HMGN5: variants seen among roughly 807,000 people sequenced by gnomAD.
HMGN5 encodes the protein high mobility group nucleosome binding domain 5, also known as high mobility group nucleosome-binding domain-containing protein 5.
Under a neutral mutation model 9.5 loss-of-function variants are expected in HMGN5, and 4 were observed. That is an observed-to-expected ratio of 0.42 (90% CI 0.21 to 0.96). HMGN5 has a LOEUF of 0.96. HMGN5 is among the 40% of genes least tolerant of loss of function. The pLI is 0.30. For missense variants in HMGN5, 192 were observed against 187.5 expected, an observed-to-expected ratio of 1.02 and a Z score of -0.14; for synonymous variants, 55 against 57.1, an observed-to-expected ratio of 0.96 and a Z score of 0.16.
At chrX:81,198,586 T>C (rs1475395058) in intron 1 of HMGN5, among the ~76,000 whole-genome samples, 2 of 111,931 alleles carry the variant, frequency 1.8e-5, no homozygotes, top group Non-Finnish European at 3.8e-5. Flanking sequence ...TGCAAATCAA[T>C]TAATGTAATC....
intron 1 of HMGN5, among the ~76,000 whole-genome samples, chrX:81,177,643 T>G (rs1363392858): frequency 1.8e-5 from 2 of 110,391 alleles, no homozygotes; most frequent in African/African-American, 6.6e-5. Context: ...GTGGCAGTAC[T>G]AGACAGATCA....
intron 1 of HMGN5, among the ~76,000 whole-genome samples, chrX:81,156,039 A>G (rs1031817194): frequency 4.5e-5 from 5 of 111,886 alleles, no homozygotes; most frequent in African/African-American, 1.6e-4. Context: ...GTATCACTCT[A>G]ATATTTCCTA....
chrX:81,197,962 G>A, intron 1 of HMGN5, among the ~76,000 whole-genome samples: 1 of 111,436 alleles, frequency 9.0e-6, no homozygotes, highest in Non-Finnish European at 1.9e-5. Flanking sequence ...ATTTTGAGTT[G>A]TGTCTAGCAA....
At chrX:81,174,104 C>A (rs777723431) in intron 1 of HMGN5, among the ~76,000 whole-genome samples, 2 of 110,545 alleles carry the variant, frequency 1.8e-5, no homozygotes, top group South Asian at 3.8e-4. Flanking sequence ...AAATAATAGT[C>A]TCATTATAGG....
At chrX:81,167,171 T>A (rs912548052) in intron 1 of HMGN5, among the ~76,000 whole-genome samples, 4 of 111,031 alleles carry the variant, frequency 3.6e-5, no homozygotes, top group African/African-American at 1.3e-4. Context: ...TTATTTGGAA[T>A]TCCCAGAGTA....
chrX:81,151,975 C>T, intron 1 of HMGN5, among the ~76,000 whole-genome samples: 1 of 111,596 alleles, frequency 9.0e-6, no homozygotes, highest in Middle Eastern at 4.7e-3. Flanking sequence ...CTTCCTTACA[C>T]CTTATACAAA....
At chrX:81,183,617 G>T (rs183573990) in intron 1 of HMGN5, among the ~76,000 whole-genome samples, 4 of 112,943 alleles carry the variant, frequency 3.5e-5, no homozygotes, top group South Asian at 3.6e-4. Flanking sequence ...GTATGGAAAA[G>T]CTTGGATGCC....
At chrX:81,187,984 CAA>C (rs1283177043) in intron 1 of HMGN5, among the ~76,000 whole-genome samples, 1 of 111,323 alleles carries the variant, frequency 9.0e-6, no homozygotes, top group Non-Finnish European at 1.9e-5. Context: ...AACAAGCAAG[CAA>C]AAAGAAAATT....
chrX:81,150,543 G>C (rs1266742166), intron 1 of HMGN5, among the ~76,000 whole-genome samples: 1 of 111,706 alleles, frequency 9.0e-6, no homozygotes, highest in Non-Finnish European at 1.9e-5. Context: ...TCCAGCCTGG[G>C]CACTGAGAGT....
Position 81,121,514 on chromosome X carries a change from CTG to C in HMGN5, c.15+19_15+20del. On this transcript the variant is annotated intron_variant, in intron 2 of 6. Transcript: ENST00000358130. ...GGTAACTCAGCAGCTCATTCCCCGT[CTG>C]TCTTTCCATTTCACTTACCTTTCTT... 8.4e-7 allele frequency: 1 copy of C among 1,192,978 alleles called. No individual in the cohort carries two copies. The highest frequency in any genetic ancestry group is 1.8e-5 in the South Asian group (1 of 56,446).
intron 1 of HMGN5, among the ~76,000 whole-genome samples, chrX:81,178,453 A>G (rs1463699267): frequency 8.9e-6 from 1 of 111,945 alleles, no homozygotes; most frequent in Non-Finnish European, 1.9e-5. Flanking sequence ...TAAACTAGAA[A>G]ATCTACAACA....
chrX:81,144,941 G>T (rs372909944), intron 1 of HMGN5, among the ~76,000 whole-genome samples: 10 of 111,400 alleles, frequency 9.0e-5, no homozygotes, highest in East Asian at 5.7e-4. Context: ...AAAAAGACAA[G>T]ATTAGAGAAA....
rs189346614 is a variant in HMGN5, at chrX:81,175,694, C to T, written c.-124+26043G>A. ...GCAGCCTGTGCTCCCAACTCTGTGG[C>T]TCCACCCGCTATTGTAGGCCAATAA... On this transcript the variant is annotated intron_variant, in intron 1 of 6. Coordinates refer to ENST00000358130, the MANE Select transcript of HMGN5 (RefSeq NM_030763.3). Among the ~76,000 whole-genome samples, 175 of 111,193 alleles carry T rather than the reference C, an allele frequency of 1.6e-3. 1 individual carries two copies. Among genetic ancestry groups the T allele is most frequent in the African/African-American group, 5.3e-3 (162 of 30,622 alleles).
At chrX:81,156,782 C>A (rs954894753) in intron 1 of HMGN5, among the ~76,000 whole-genome samples, 1 of 109,971 alleles carries the variant, frequency 9.1e-6, no homozygotes, top group African/African-American at 3.3e-5. Flanking sequence ...ACTCTTCTGT[C>A]TTCTGTTGAG....
chrX:81,121,701 G>A (rs2075269257), intron 1 of HMGN5, 29 bp from the exon 2 acceptor site: 3 of 402,747 alleles, frequency 7.4e-6, no homozygotes, highest in East Asian at 4.4e-5. Context: ...CCTCGTTATT[G>A]GCAACATTAA....
intron 1 of HMGN5, chrX:81,197,606 C>A (rs2075512906): frequency 9.1e-6 from 1 of 110,374 alleles, no homozygotes; most frequent in Non-Finnish European, 1.9e-5. Context: ...AATTACAACT[C>A]CAAAGAGCTC....
intron 1 of HMGN5, among the ~76,000 whole-genome samples, chrX:81,191,374 T>G (rs893209277): frequency 8.9e-6 from 1 of 112,134 alleles, no homozygotes; most frequent in African/African-American, 3.2e-5. Context: ...AAGTTTAATA[T>G]TTCACCACTA....
chrX:81,173,289 A>G (rs2075431846), intron 1 of HMGN5, among the ~76,000 whole-genome samples: 1 of 111,310 alleles, frequency 9.0e-6, no homozygotes, highest in Admixed American at 9.5e-5. Context: ...TAGAGTATCT[A>G]TAGTATACTA....
At chrX:81,189,316 T>C (rs2075487367) in intron 1 of HMGN5, among the ~76,000 whole-genome samples, 1 of 111,528 alleles carries the variant, frequency 9.0e-6, no homozygotes, top group South Asian at 3.7e-4. Flanking sequence ...TTGTTTTTTA[T>C]TGTTTTTTAT....
Sources: gnomAD v4.1 joint callset for allele counts (sites outside exome capture counted in the v4.1 genomes callset) on GRCh38, gnomAD v4.1.1 for gene constraint, MANE v1.5 for transcripts, NCBI Gene and HGNC (gene_info 2026-07-23, HGNC 2026-07-21) for gene names.